PRLR: variants seen among roughly 807,000 people sequenced by gnomAD.
The protein encoded by PRLR is prolactin receptor.
A neutral mutation model predicts 40.2 loss-of-function variants in PRLR; 13 were observed. The observed-to-expected ratio is 0.32, with a 90% CI of 0.21 to 0.51. The LOEUF is 0.51. Among genes scored for constraint, PRLR ranks in the 20% least tolerant of loss-of-function variants. The probability of loss-of-function intolerance (pLI) is 0.97; values close to 1 mark genes in which losing one functional copy is unlikely to be tolerated. For synonymous variants in PRLR, 269 were observed against 278.7 expected (o/e 0.97, Z 0.35); for missense variants, 656 against 747.3 (o/e 0.88, Z 1.42).
At chr5:35,156,075 C>A (rs927875588) in intron 1 of PRLR, among the ~76,000 whole-genome samples, 3 of 138,408 alleles carry the variant, frequency 2.2e-5, no homozygotes, top group African/African-American at 8.5e-5. Context: ...GCCATGTTAC[C>A]AAAGAACAAA....
chr5:35,117,268 C>A (rs570382026), intron 2 of PRLR, among the ~76,000 whole-genome samples: 182 of 152,250 alleles, frequency 1.2e-3, no homozygotes, highest in African/African-American at 4.2e-3. Flanking sequence ...AGTAAGTTTC[C>A]CTAGATGGCC....
intron 1 of PRLR, among the ~76,000 whole-genome samples, chr5:35,223,977 A>G (rs1239223135): frequency 1.3e-5 from 2 of 152,194 alleles, no homozygotes; most frequent in African/African-American, 2.4e-5. Context: ...CTTTATCTAT[A>G]GATACTCTTG....
intron 2 of PRLR, among the ~76,000 whole-genome samples, chr5:35,107,926 G>T (rs1190845583): frequency 1.3e-5 from 2 of 152,148 alleles, no homozygotes; most frequent in African/African-American, 4.8e-5. Flanking sequence ...ACACAAAAAA[G>T]AGAATTTTAG....
intron 2 of PRLR, among the ~76,000 whole-genome samples, chr5:35,094,728 C>T (rs1168340551): frequency 6.6e-6 from 1 of 151,964 alleles, no homozygotes; most frequent in African/African-American, 2.4e-5. Flanking sequence ...ACTGGGTTTC[C>T]TTACCTGCCT....
intron 1 of PRLR, among the ~76,000 whole-genome samples, chr5:35,222,228 G>A (rs1021970159): frequency 6.6e-6 from 1 of 152,060 alleles, no homozygotes; most frequent in African/African-American, 2.4e-5. Context: ...GCTTGAACCC[G>A]GGAGGCAGAG....
intron 5 of PRLR, among the ~76,000 whole-genome samples, chr5:35,078,809 G>T (rs1310877167): frequency 6.6e-6 from 1 of 152,126 alleles, no homozygotes; most frequent in Non-Finnish European, 1.5e-5. Context: ...AGAATCCTCA[G>T]TAAAATACTG....
Position 35,065,203 on chromosome 5 carries a change from C to T in PRLR, c.1755G>A (p.Gln585=). ...SAKEAPPSLE[Q]NQAEKALANF... ...TGGCCAGGGCTTTCTCAGCTTGATT[C>T]TGTTCAAGTGATGGTGGGGCCTCTT... The change falls in exon 10 of 10, where the codon CAG becomes CAA. Residue 585 remains glutamine (Q), a synonymous_variant. Coordinates refer to ENST00000618457, the MANE Select transcript of PRLR (RefSeq NM_000949.7). 6.2e-7 allele frequency: 1 copy of T among 1,614,152 alleles called. No homozygotes were observed. Among genetic ancestry groups the T allele is most frequent in the Non-Finnish European group, 8.5e-7 (1 of 1,180,028 alleles).
At chr5:35,165,654 G>A (rs539613398) in intron 1 of PRLR, among the ~76,000 whole-genome samples, 1 of 152,290 alleles carries the variant, frequency 6.6e-6, no homozygotes, top group South Asian at 2.1e-4. Context: ...CTTATTTACA[G>A]TAGTACGATC....
chr5:35,147,033 TA>T (rs1774202138), intron 1 of PRLR, among the ~76,000 whole-genome samples: 1 of 151,776 alleles, frequency 6.6e-6, no homozygotes, highest in Non-Finnish European at 1.5e-5. Context: ...AGGAGGAGAG[TA>T]GGATGCTGAA....
In PRLR at chr5:35,060,426, T is replaced by C. The variant is rs1768966906; in HGVS notation, c.*4663A>G. ...TTGTCACACAATCTCATGTGCTCAC[T>C]GCTTCAGGCCAAGGGTGTGTCAGCA... On this transcript the variant is annotated 3_prime_UTR_variant, in exon 10 of 10. Coordinates refer to ENST00000618457, the MANE Select transcript of PRLR (RefSeq NM_000949.7). 1 of 152,218 alleles carries C rather than the reference T, an allele frequency of 6.6e-6. No individual in the cohort carries two copies. Among genetic ancestry groups the C allele is most frequent in the Non-Finnish European group, 1.5e-5 (1 of 68,042 alleles). 9.4% of individuals were successfully genotyped at this position (152,218 alleles called of 1,614,324 possible).
intron 3 of PRLR, among the ~76,000 whole-genome samples, chr5:35,087,433 T>TGTGC: frequency 1.3e-5 from 2 of 151,480 alleles, no homozygotes; most frequent in East Asian, 3.9e-4. Flanking sequence ...TGTGTGTGTG[T>TGTGC]GTGTGTGTGT....
chr5:35,171,394 A>G (rs934116619), intron 1 of PRLR, among the ~76,000 whole-genome samples: 3 of 152,136 alleles, frequency 2.0e-5, no homozygotes, highest in Admixed American at 6.5e-5. Flanking sequence ...GCAAGTTGTG[A>G]GCTAATGGCT....
At position 35,060,142 on chromosome 5, in the gene PRLR, T is replaced by C. The variant is rs1392105765; in HGVS notation, c.*4947A>G. On this transcript the variant is annotated 3_prime_UTR_variant, in exon 10 of 10. Coordinates refer to ENST00000618457, the MANE Select transcript of PRLR (RefSeq NM_000949.7). ...TGCAAATCTCTAAATGGGATATACT[T>C]GTGATCTTCAACTTGGCCTTGGATA... The C allele has an allele frequency of 1.3e-5, 2 of 152,234 alleles. No individual in the cohort carries two copies. Among genetic ancestry groups the C allele is most frequent in the Non-Finnish European group, 2.9e-5 (2 of 68,046 alleles). The allele number at this position is 152,234 out of a possible 1,614,324, so 9.4% of individuals were successfully genotyped here.
intron 1 of PRLR, among the ~76,000 whole-genome samples, chr5:35,199,960 C>A (rs1485354702): frequency 6.6e-6 from 1 of 152,134 alleles, no homozygotes; most frequent in Non-Finnish European, 1.5e-5. Context: ...TTGTCCCCTC[C>A]AAAGTGTGGG....
Position 35,070,256 on chromosome 5 carries a change from C to A in PRLR, c.553G>T (p.Ala185Ser), listed in dbSNP as rs751324050. The change falls in exon 7 of 10, where the codon GCT becomes TCT. Residue 185 changes from alanine to serine, a missense_variant. Around this residue, in one of 3 missense-constraint regions of PRLR, gnomAD observed 180 missense variants for 236.8 expected, o/e 0.76. Transcript: ENST00000618457. ...ATCTTAAACTCTGTTTGCTGCCCAG[C>A]AAAATGGATCTAAGGTAGAATAAGG... ...EKAAEWEIHF[A>S]GQQTEFKILS... 6.2e-6 allele frequency: 10 copies of A among 1,613,644 alleles called. No individual in the cohort carries two copies. The Admixed American group carries it at 1.7e-4, about 27-fold the overall frequency.
downstream of PRLR, among the ~76,000 whole-genome samples, chr5:35,053,948 T>C (rs1352081838): frequency 6.6e-6 from 1 of 152,030 alleles, no homozygotes; most frequent in Non-Finnish European, 1.5e-5. Context: ...AGGACAGGAA[T>C]AGATACACAG....
chr5:35,160,053 C>G (rs535956616), intron 1 of PRLR, among the ~76,000 whole-genome samples: 12 of 152,260 alleles, frequency 7.9e-5, no homozygotes, highest in African/African-American at 2.9e-4. Flanking sequence ...GAGCATTACC[C>G]AAGGTACAGG....
intron 1 of PRLR, chr5:35,130,121 C>T (rs573207653): frequency 1.7e-4 from 26 of 152,318 alleles, no homozygotes; most frequent in Admixed American, 4.6e-4. Context: ...TTGCTGATTA[C>T]CCGTTGGCAA....
chr5:35,151,216 G>T lies in PRLR; in HGVS notation c.-105-33094C>A, dbSNP rs561156378. ...TGATATAATTCCCTTCCAGCTGGTG[G>T]TTTCTAAGAGTAGTGTGTGATCCTC... On this transcript the variant is annotated intron_variant, in intron 1 of 9. Coordinates refer to ENST00000618457, the MANE Select transcript of PRLR (RefSeq NM_000949.7). Among the ~76,000 whole-genome samples, 480 of 152,260 alleles carry T rather than the reference G, an allele frequency of 3.2e-3. 1 individual carries two copies. Among genetic ancestry groups the T allele is most frequent in the Non-Finnish European group, 5.7e-3 (388 of 68,020 alleles).
Sources: allele counts gnomAD v4.1 joint callset (sites outside exome capture counted in the v4.1 genomes callset), GRCh38; gene constraint gnomAD v4.1.1; regional missense constraint gnomAD v4.1.1; transcripts MANE v1.5; gene names NCBI Gene and HGNC (gene_info 2026-07-23, HGNC 2026-07-21).